Variants in LSM4 observed in about 807,000 individuals in gnomAD.
LSM4 encodes the protein U6 snRNA-associated Sm-like protein LSm4.
LSM4 carries 15 observed loss-of-function variants against 22.3 expected under a neutral mutation model. The ratio of observed to expected loss-of-function variants is 0.67; its 90% CI spans 0.45 to 1.03. The LOEUF is 1.03. Among genes scored for constraint, LSM4 ranks in the 50% least tolerant of loss-of-function variants. LSM4 has a pLI of 0.00. For missense variants in LSM4, 127 were observed against 198.0 expected, an observed-to-expected ratio of 0.64 and a Z score of 2.15; for synonymous variants, 90 against 79.8, an observed-to-expected ratio of 1.13 and a Z score of -0.68.
At position 18,316,000 on chromosome 19, in the gene LSM4, T is replaced by C. The variant is rs773352798; in HGVS notation, c.45+24A>G. 8.1e-6 allele frequency: 13 copies of C among 1,611,150 alleles called. No homozygotes were observed. The East Asian group carries it at 1.8e-4, about 22-fold the overall frequency. ...GAGGCTGGCCCCCTCTCAAACAGGC[T>C]TTCCCAGACCACTGAGTACTCACCA... On this transcript the variant is annotated intron_variant, in intron 2 of 4. Transcript: ENST00000593829.
chr19:18,314,038 T>C (rs1327662954), intron 2 of LSM4, among the ~76,000 whole-genome samples: 1 of 152,038 alleles, frequency 6.6e-6, no homozygotes, highest in Non-Finnish European at 1.5e-5. Context: ...GGTCTTGAAC[T>C]CCTGACCTCA....
chr19:18,319,459 G>C (rs751167414), intron 1 of LSM4, among the ~76,000 whole-genome samples: 1 of 151,968 alleles, frequency 6.6e-6, no homozygotes, highest in African/African-American at 2.4e-5. Context: ...CTACTTGGGA[G>C]GCTGAGGCAG....
chr19:18,308,665 T>G (rs1013809705), intron 4 of LSM4, among the ~76,000 whole-genome samples: 1 of 152,142 alleles, frequency 6.6e-6, no homozygotes, highest in African/African-American at 2.4e-5. Flanking sequence ...CACGGTCTAC[T>G]CTGCAGACCT....
At chr19:18,318,975 G>A (rs770406018) in intron 1 of LSM4, among the ~76,000 whole-genome samples, 2 of 152,350 alleles carry the variant, frequency 1.3e-5, no homozygotes, top group African/African-American at 2.4e-5. Context: ...GGCCACGGAG[G>A]CTCTCGCCTG....
intron 1 of LSM4, 75 bp from the exon 2 acceptor site, chr19:18,316,140 T>C (rs2232965): frequency 0.8 from 1,126,421 of 1,415,294 alleles, 449,271 homozygotes; most frequent in African/African-American, 0.89. Flanking sequence ...GTCCCACCCA[T>C]GACTCATAGA....
At position 18,306,428 on chromosome 19, in the gene LSM4, C is replaced by T. The variant is rs1970222870; in HGVS notation, c.*1036G>A. The T allele has an allele frequency of 6.6e-6, 1 of 152,164 alleles. No homozygotes were observed. The highest frequency in any genetic ancestry group is 1.5e-5 in the Non-Finnish European group (1 of 68,040). The allele number at this position is 152,164 out of a possible 1,614,324, so 9.4% of individuals were successfully genotyped here. On this transcript the variant is annotated 3_prime_UTR_variant, in exon 5 of 5. Coordinates refer to ENST00000593829, the MANE Select transcript of LSM4 (RefSeq NM_012321.5). ...TGACTCAGTGTCTCAGGTGCGCGCC[C>T]GAGGAGTGGCAAACCCGGCCTGGCT...
Position 18,323,011 on chromosome 19 carries a change from C to A in LSM4, c.3+7G>T. The A allele has an allele frequency of 1.3e-6, 2 of 1,583,532 alleles. No individual in the cohort carries two copies. Among genetic ancestry groups the A allele is most frequent in the African/African-American group, 1.4e-5 (1 of 72,272 alleles). ...CCGGTGAGACCCCGCAGTTGCCCTG[C>A]CCTCACCATGGTGCCGGCGGGGACC... On this transcript the variant is annotated splice_region_variant and intron_variant, in intron 1 of 4. Transcript: ENST00000593829.
intron 3 of LSM4, among the ~76,000 whole-genome samples, chr19:18,310,904 C>A (rs1970291718): frequency 6.6e-6 from 1 of 152,198 alleles, no homozygotes; most frequent in African/African-American, 2.4e-5. Context: ...GGGCTTGCCC[C>A]CAGAACTTTG....
chr19:18,312,351 G>A, intron 3 of LSM4: 1 of 460,254 alleles, frequency 2.2e-6, no homozygotes, highest in South Asian at 2.2e-5. Context: ...CCCAGTCCTA[G>A]GTCCTTCCAG....
chr19:18,307,363 CT>C lies in LSM4; in HGVS notation c.*100del, dbSNP rs1970238403. 5.1e-6 allele frequency: 5 copies of C among 976,222 alleles called. No individual in the cohort carries two copies. Among genetic ancestry groups the C allele is most frequent in the Admixed American group, 4.2e-5 (1 of 24,096 alleles). 60.5% of individuals were successfully genotyped at this position (976,222 alleles called of 1,614,324 possible). On this transcript the variant is annotated 3_prime_UTR_variant, in exon 5 of 5. Coordinates refer to ENST00000593829, the MANE Select transcript of LSM4 (RefSeq NM_012321.5). ...TCACAAAACACGAAGGGGGTTCCCCCTGGCGCCTGCCTCTTCCTTTCTGAGC... is the reference window on the plus strand; with the variant it reads ...TCACAAAACACGAAGGGGGTTCCCCCGGCGCCTGCCTCTTCCTTTCTGAGC...
At chr19:18,308,868 G>T (rs1466688115) in intron 4 of LSM4, among the ~76,000 whole-genome samples, 1 of 152,154 alleles carries the variant, frequency 6.6e-6, no homozygotes, top group Admixed American at 6.5e-5. Context: ...GTTACTGCGA[G>T]GCTGCTATCT....
At chr19:18,320,125 A>G (rs930972134) in intron 1 of LSM4, among the ~76,000 whole-genome samples, 1 of 152,116 alleles carries the variant, frequency 6.6e-6, no homozygotes, top group Non-Finnish European at 1.5e-5. Flanking sequence ...ATATATCTTG[A>G]TTTCTCCTAC....
rs925660581 is a variant in LSM4 at position 18,307,449 on chromosome 19, G to C, written c.*15C>G. 5 of 1,514,472 alleles carry C rather than the reference G, an allele frequency of 3.3e-6. No individual in the cohort carries two copies. In the East Asian group the frequency reaches 1.0e-4, roughly 31 times the overall value. 93.8% of individuals were successfully genotyped at this position (1,514,472 alleles called of 1,614,324 possible). A position where few individuals can be genotyped will look rare whatever the true frequency, so the allele number is the denominator to read the frequency against. ...CCTGGCAGGAGGGGGCGCAGCAGCC[G>C]GTCTGGGTGGGCGCTCACTGTTTGC... On this transcript the variant is annotated 3_prime_UTR_variant, in exon 5 of 5. Coordinates refer to ENST00000593829, the MANE Select transcript of LSM4 (RefSeq NM_012321.5).
chr19:18,311,543 C>T (rs1970297542), intron 3 of LSM4, among the ~76,000 whole-genome samples: 1 of 152,182 alleles, frequency 6.6e-6, no homozygotes, highest in Non-Finnish European at 1.5e-5. Context: ...CACATGCTCA[C>T]GCACGCAACA....
intron 3 of LSM4, chr19:18,310,249 C>CCTGTGCACCAGACACAGCCG (rs1970284282): frequency 4.1e-6 from 1 of 243,782 alleles, no homozygotes; most frequent in Admixed American, 5.7e-5. Context: ...TGGGGGCCTC[C>CCTGTGCACCAGACACAGCCG]CTGTGCACCA....
At chr19:18,308,349 A>G (rs1362062427) in intron 4 of LSM4, among the ~76,000 whole-genome samples, 1 of 152,172 alleles carries the variant, frequency 6.6e-6, no homozygotes, top group Non-Finnish European at 1.5e-5. Context: ...CCGGGACCCA[A>G]CATTGATCCC....
chr19:18,316,828 A>T (rs1347506264), intron 1 of LSM4, among the ~76,000 whole-genome samples: 1 of 152,146 alleles, frequency 6.6e-6, no homozygotes, highest in Non-Finnish European at 1.5e-5. Flanking sequence ...GCACAAGACC[A>T]TGCCTTGCAG....
intron 1 of LSM4, among the ~76,000 whole-genome samples, chr19:18,322,715 G>A (rs1970437734): frequency 1.3e-5 from 2 of 151,880 alleles, no homozygotes; most frequent in South Asian, 2.1e-4. Flanking sequence ...GCTGCATTTG[G>A]CGGATCCCCA....
chr19:18,313,185 C>T (rs1407576948), intron 2 of LSM4, among the ~76,000 whole-genome samples: 5 of 152,168 alleles, frequency 3.3e-5, no homozygotes, highest in African/African-American at 1.2e-4. Flanking sequence ...GGGGAGGTTG[C>T]AGTGAGCTGA....
Sources: allele counts gnomAD v4.1 joint callset (sites outside exome capture counted in the v4.1 genomes callset), GRCh38; gene constraint gnomAD v4.1.1; transcripts MANE v1.5; gene names NCBI Gene and HGNC (gene_info 2026-07-23, HGNC 2026-07-21).